Variants in ITGA6 observed in about 807,000 individuals in gnomAD.
ITGA6 encodes the protein integrin subunit alpha 6.
ITGA6 carries 63 observed loss-of-function variants against 133.6 expected under a neutral mutation model. The ratio of observed to expected loss-of-function variants is 0.47; its 90% CI spans 0.38 to 0.58. The LOEUF (loss-of-function observed/expected upper bound fraction) is 0.58. Ranked by LOEUF, ITGA6 falls within the 20% of genes least tolerant of loss-of-function variation. ITGA6 has a pLI of 0.00. For missense variants in ITGA6, 1,068 were observed against 1,309.4 expected (o/e 0.82, Z 2.85); for synonymous variants, 434 against 482.0 (o/e 0.90, Z 1.30).
chr2:172,427,892 G>A lies in ITGA6; in HGVS notation c.104G>A (p.Arg35Gln). The A allele has an allele frequency of 6.2e-7, 1 of 1,607,336 alleles. No homozygotes were observed. The highest frequency in any genetic ancestry group is 8.5e-7 in the Non-Finnish European group (1 of 1,177,274). ...NLDTREDNVI[R>Q]KYGDPGSLFG... ...GACACTCGGGAGGACAACGTGATCCGGAAATATGGAGACCCCGGGAGCCTC... is the reference window on the plus strand; with the variant it reads ...GACACTCGGGAGGACAACGTGATCCAGAAATATGGAGACCCCGGGAGCCTC... Residue 35 changes from arginine to glutamine, a missense_variant, in exon 1 of 26, where the codon CGG becomes CAG. This residue lies in a region of ITGA6 where 142 missense variants were observed against 145.3 expected (regional missense o/e 0.98). Coordinates refer to ENST00000684293, the MANE Select transcript of ITGA6 (RefSeq NM_000210.4).
rs1685911199 is a variant in ITGA6, at chr2:172,471,058, C to T, written c.728C>T (p.Thr243Ile). 1.4e-5 allele frequency: 22 copies of T among 1,614,162 alleles called. No individual in the cohort carries two copies. The highest frequency in any genetic ancestry group is 1.9e-5 in the Non-Finnish European group (22 of 1,180,014). ...EDGPYEVGGE[T>I]EHDESLVPVP... ...GGGCCTTATGAAGTTGGTGGAGAGACTGAGCATGATGAAAGTCTCGTTCCT... is the reference window on the plus strand; with the variant it reads ...GGGCCTTATGAAGTTGGTGGAGAGATTGAGCATGATGAAAGTCTCGTTCCT... The change falls in exon 5 of 26, where the codon ACT becomes ATT. Residue 243 changes from threonine (T) to isoleucine (I), a missense_variant. Thr to Ile is a moderately conservative substitution (Grantham distance 89, BLOSUM62 -1). Coordinates refer to ENST00000684293, the MANE Select transcript of ITGA6 (RefSeq NM_000210.4).
chr2:172,491,491 G>A lies in ITGA6; in HGVS notation c.2956G>A (p.Glu986Lys), dbSNP rs1485792506. The A allele has an allele frequency of 3.1e-6, 5 of 1,613,500 alleles. No individual in the cohort carries two copies. Among genetic ancestry groups the A allele is most frequent in the Admixed American group, 1.7e-5 (1 of 60,004 alleles). The part of the protein sequence containing the change: ...RAFIDVTAAA[E>K]NIRLPNAGTQ... ...CTTCATTGATGTGACTGCTGCTGCCGAAAATATCAGGCTGCCAAATGCAGG... is the reference window on the plus strand; with the variant it reads ...CTTCATTGATGTGACTGCTGCTGCCAAAAATATCAGGCTGCCAAATGCAGG... The change falls in exon 23 of 26, where the codon GAA becomes AAA. Residue 986 changes from glutamate to lysine, a missense_variant. By Grantham distance (56) the Glu-to-Lys change is moderately conservative (BLOSUM62 1). Transcript: ENST00000684293. The surrounding 1 kb of genome is among the most constrained non-coding windows in gnomAD (Gnocchi z 4.4).
At chr2:172,489,974 CT>C in intron 20 of ITGA6, 1 of 289,474 alleles carries the variant, frequency 3.5e-6, no homozygotes. Flanking sequence ...GTAATAGTAG[CT>C]GCTGTTATCC....
At position 172,465,647 on chromosome 2, in the gene ITGA6, C is replaced by G. The variant is rs771590190; in HGVS notation, c.291C>G (p.Ile97Met). The change falls in exon 2 of 26, where the codon ATC becomes ATG. Residue 97 changes from isoleucine to methionine, a missense_variant. Ile to Met is a conservative substitution (Grantham distance 10). This residue lies in a region of ITGA6 where 142 missense variants were observed against 145.3 expected (regional missense o/e 0.98). Coordinates refer to ENST00000684293, the MANE Select transcript of ITGA6 (RefSeq NM_000210.4). ...CCGCCCGGGGGCCATGCACGCGGATCGAGTTTGATAACGATGGTGCGTTCC... is the reference window on the plus strand; with the variant it reads ...CCGCCCGGGGGCCATGCACGCGGATGGAGTTTGATAACGATGGTGCGTTCC... Reference protein sequence around the residue: ...DITARGPCTRIEFDNDADPTS... With the variant: ...DITARGPCTRMEFDNDADPTS... The G allele has an allele frequency of 6.2e-7, 1 of 1,614,214 alleles. No individual in the cohort carries two copies.
In ITGA6 at chr2:172,501,265, G is replaced by T. The variant is rs995588122; in HGVS notation, c.3115-507G>T. 7.2e-5 allele frequency among the ~76,000 whole-genome samples: 11 copies of T among 152,120 alleles called. 1 individual carries two copies. Among genetic ancestry groups the T allele is most frequent in the Admixed American group, 7.2e-4 (11 of 15,262 alleles). On this transcript the variant is annotated intron_variant, in intron 24 of 25. Coordinates refer to ENST00000684293, the MANE Select transcript of ITGA6 (RefSeq NM_000210.4). ...TGTGATTCACCCCACAGATCCAAAG[G>T]CCTCAAGTAAATGGCATTTGTTCCA...
chr2:172,441,040 A>T (rs888246038), intron 1 of ITGA6, among the ~76,000 whole-genome samples: 27 of 149,582 alleles, frequency 1.8e-4, no homozygotes, highest in African/African-American at 6.6e-4. Context: ...TTCCTTGTTC[A>T]CTAATCCCTT....
At chr2:172,489,460 G>T in intron 19 of ITGA6, 25 bp from the exon 20 acceptor site, 1 of 1,566,048 alleles carries the variant, frequency 6.4e-7, no homozygotes, top group East Asian at 2.2e-5. Context: ...ATTAGACTGA[G>T]ATAATATGTA....
chr2:172,443,593 G>C (rs1412792148), intron 1 of ITGA6, among the ~76,000 whole-genome samples: 1 of 152,156 alleles, frequency 6.6e-6, no homozygotes, highest in Non-Finnish European at 1.5e-5. Flanking sequence ...CAACAATCGA[G>C]TTTCCAGCCT....
chr2:172,430,529 G>A (rs916314138), intron 1 of ITGA6, among the ~76,000 whole-genome samples: 7 of 152,140 alleles, frequency 4.6e-5, no homozygotes, highest in Non-Finnish European at 5.9e-5. Flanking sequence ...TGCATGGGAC[G>A]GTCAGATAAA....
intron 1 of ITGA6, among the ~76,000 whole-genome samples, chr2:172,461,932 C>T (rs1685441862): frequency 6.6e-6 from 1 of 152,182 alleles, no homozygotes. Context: ...ATTGTTTGGA[C>T]ACAGCTCTAT....
intron 1 of ITGA6, among the ~76,000 whole-genome samples, chr2:172,462,182 G>GT (rs1302871120): frequency 6.6e-6 from 1 of 152,210 alleles, no homozygotes; most frequent in Admixed American, 6.5e-5. Flanking sequence ...CCTTATCGCG[G>GT]TGGGTCCCAG....
At chr2:172,440,718 T>C (rs889692578) in intron 1 of ITGA6, among the ~76,000 whole-genome samples, 2 of 152,262 alleles carry the variant, frequency 1.3e-5, no homozygotes, top group Admixed American at 6.5e-5. Context: ...AGCAGTTGTA[T>C]ACCTGGCACC....
intron 1 of ITGA6, among the ~76,000 whole-genome samples, chr2:172,437,176 G>A (rs1293604097): frequency 6.6e-6 from 1 of 152,218 alleles, no homozygotes; most frequent in Non-Finnish European, 1.5e-5. Flanking sequence ...ATGAGATGGG[G>A]AGCATTTGTA....
chr2:172,479,627 C>T lies in ITGA6; in HGVS notation c.1389-14C>T. 2 of 1,608,410 alleles carry T rather than the reference C, an allele frequency of 1.2e-6. No homozygotes were observed. On this transcript the variant is annotated splice_polypyrimidine_tract_variant and intron_variant, in intron 9 of 25. Transcript: ENST00000684293. ...ACAGAGGCTGAGCTTGTTTTTCACTCCTTTTGTCTTCAGATCCCGGCCTGT... is the reference window on the plus strand; with the variant it reads ...ACAGAGGCTGAGCTTGTTTTTCACTTCTTTTGTCTTCAGATCCCGGCCTGT...
intron 13 of ITGA6, 110 bp downstream of exon 13, chr2:172,485,374 T>C (rs1686622678): frequency 1.0e-6 from 1 of 978,246 alleles, no homozygotes; most frequent in Admixed American, 1.7e-5. Context: ...GGCCATTCTT[T>C]TGTGTTAATA....
At chr2:172,465,907 T>G (rs1685650000) in intron 2 of ITGA6, 2 of 586,948 alleles carry the variant, frequency 3.4e-6, no homozygotes, top group East Asian at 6.0e-5. Flanking sequence ...TGTAGGGATG[T>G]TGCCACCTAG....
At chr2:172,464,131 A>G (rs192256374) in intron 1 of ITGA6, 2 of 152,296 alleles carry the variant, frequency 1.3e-5, no homozygotes, top group Non-Finnish European at 2.9e-5. Context: ...TGCTGGGGCT[A>G]TGTGTTATCC....
At chr2:172,503,654 T>G (rs1036381534) in intron 25 of ITGA6, 3 of 152,562 alleles carry the variant, frequency 2.0e-5, no homozygotes, top group African/African-American at 7.2e-5. Context: ...TGTAAAATAC[T>G]TGTGACATGA....
At chr2:172,443,806 C>T (rs532635637) in intron 1 of ITGA6, among the ~76,000 whole-genome samples, 12 of 152,224 alleles carry the variant, frequency 7.9e-5, no homozygotes, top group Non-Finnish European at 1.3e-4. Context: ...CAGGGTCTCA[C>T]GCTTTCGCCC....
Sources: gnomAD v4.1 joint callset for allele counts (sites outside exome capture counted in the v4.1 genomes callset) on GRCh38, gnomAD v4.1.1 for gene constraint, gnomAD v4.1.1 regional missense constraint, Gnocchi (gnomAD v3.1) non-coding constraint, MANE v1.5 for transcripts, NCBI Gene and HGNC (gene_info 2026-07-23, HGNC 2026-07-21) for gene names.